The following SIRPB1 variants were observed in gnomAD, a reference collection of about 807,000 sequenced individuals.
SIRPB1 encodes the protein signal regulatory protein beta 1.
Under a neutral mutation model 34.1 loss-of-function variants are expected in SIRPB1, and 28 were observed. The observed-to-expected ratio is 0.82, with a 90% CI of 0.61 to 1.12. SIRPB1 has a LOEUF of 1.12. Among genes scored for constraint, SIRPB1 ranks in the 50% most tolerant of loss-of-function variants. SIRPB1 has a pLI of 0.00. For synonymous variants in SIRPB1, 211 were observed against 203.8 expected (o/e 1.04, Z -0.30); for missense variants, 499 against 507.0 (o/e 0.98, Z 0.15).
intron 4 of SIRPB1, among the ~76,000 whole-genome samples, chr20:1,570,244 T>G (rs1479285816): frequency 6.6e-6 from 1 of 152,234 alleles, no homozygotes; most frequent in Non-Finnish European, 1.5e-5. Context: ...GTGATTATTG[T>G]TGGTCAAATA....
intron 1 of SIRPB1, chr20:1,598,916 C>T: frequency 5.3e-6 from 3 of 563,314 alleles, no homozygotes; most frequent in Non-Finnish European, 7.1e-6. Context: ...AGAAGTGGAG[C>T]AGCAGAAGCC....
chr20:1,570,033 T>A (rs1166941382), intron 4 of SIRPB1, among the ~76,000 whole-genome samples: 6 of 152,224 alleles, frequency 3.9e-5, no homozygotes, highest in Non-Finnish European at 8.8e-5. Flanking sequence ...GTAGTGAGCC[T>A]GTCCTCAGGG....
chr20:1,570,353 G>C (rs1391253019), intron 4 of SIRPB1, among the ~76,000 whole-genome samples: 2 of 152,234 alleles, frequency 1.3e-5, no homozygotes, highest in African/African-American at 4.8e-5. Flanking sequence ...TTATAGAGCA[G>C]ATGCTGGAGA....
intron 1 of SIRPB1, among the ~76,000 whole-genome samples, chr20:1,615,302 C>A (rs555449731): frequency 1.3e-5 from 2 of 152,234 alleles, no homozygotes; most frequent in South Asian, 4.1e-4. Flanking sequence ...AATATAATGC[C>A]CCTCTCAGCT....
rs1273663423 is a variant in SIRPB1 at position 1,599,960 on chromosome 20, G to T, written c.76+19909C>A. ...TTCACTTTTTTTTGTATCAGACCTCGCGCTCCTTGATTGGATTCTACATGC... is the reference window on the plus strand; with the variant it reads ...TTCACTTTTTTTTGTATCAGACCTCTCGCTCCTTGATTGGATTCTACATGC... On this transcript the variant is annotated intron_variant, in intron 1 of 5. Coordinates refer to ENST00000381605, the MANE Select transcript of SIRPB1 (RefSeq NM_006065.5). 4.0e-5 allele frequency among the ~76,000 whole-genome samples: 2 copies of T among 49,992 alleles called. 1 individual carries two copies. The highest frequency in any genetic ancestry group is 7.8e-5 in the Non-Finnish European group (2 of 25,640). 32.8% of individuals were successfully genotyped at this position (49,992 alleles called of 152,430 possible). A position where few individuals can be genotyped will look rare whatever the true frequency, so the allele number is the denominator to read the frequency against.
intron 1 of SIRPB1, among the ~76,000 whole-genome samples, chr20:1,618,436 T>C (rs2091662031): frequency 6.6e-6 from 1 of 152,142 alleles, no homozygotes; most frequent in South Asian, 2.1e-4. Flanking sequence ...GAGTCTTTGT[T>C]TGGAAATAGG....
rs774325400 is a variant in SIRPB1 at position 1,611,964 on chromosome 20, C to T, written c.76+7905G>A. ...TACTTTCTTTTGTTCTTTCTGTTTG[C>T]TTTTTTTCTTTTCTTTTCTTTTTGT... On this transcript the variant is annotated intron_variant, in intron 1 of 5. Transcript: ENST00000381605. 5.7e-4 allele frequency among the ~76,000 whole-genome samples: 41 copies of T among 71,642 alleles called. 17 individuals are homozygous for T. Among genetic ancestry groups the T allele is most frequent in the Non-Finnish European group, 4.4e-4 (17 of 38,234 alleles). The allele number at this position is 71,642 out of a possible 152,430, so 47.0% of individuals were successfully genotyped here.
chr20:1,579,763 G>A (rs1375375760), intron 1 of SIRPB1, among the ~76,000 whole-genome samples: 2 of 148,288 alleles, frequency 1.3e-5, no homozygotes, highest in African/African-American at 4.9e-5. Context: ...GTCCAAAATA[G>A]TGTTACTGGG....
Position 1,576,644 on chromosome 20 carries a change from C to T in SIRPB1, c.433+1694G>A, listed in dbSNP as rs188147189. Among the ~76,000 whole-genome samples, 30 of 148,372 alleles carry T rather than the reference C, an allele frequency of 2.0e-4. 2 individuals are homozygous for T. The highest frequency in any genetic ancestry group is 6.3e-4 in the African/African-American group (26 of 40,952). On this transcript the variant is annotated intron_variant, in intron 2 of 5. Coordinates refer to ENST00000381605, the MANE Select transcript of SIRPB1 (RefSeq NM_006065.5). ...AAGTGGGGCCAGGCATGGTGGCTCACGCCTGTAATCCCAGCAGTTTGGGAG... is the reference window on the plus strand; with the variant it reads ...AAGTGGGGCCAGGCATGGTGGCTCATGCCTGTAATCCCAGCAGTTTGGGAG...
intron 1 of SIRPB1, among the ~76,000 whole-genome samples, chr20:1,615,300 G>T (rs1277810551): frequency 3.3e-5 from 5 of 152,038 alleles, no homozygotes; most frequent in African/African-American, 1.2e-4. Flanking sequence ...CAAATATAAT[G>T]CCCCTCTCAG....
Position 1,563,853 on chromosome 20 carries a change from GC to G in SIRPB1, c.*1646del, listed in dbSNP as rs1392048869. On this transcript the variant is annotated 3_prime_UTR_variant, in exon 6 of 6. Coordinates refer to ENST00000381605, the MANE Select transcript of SIRPB1 (RefSeq NM_006065.5). ...CACAAGAACAGCAAGGGGGAAGTCC[GC>G]CCCCATGATTCAGTCACCTCCTACC... 6.6e-6 allele frequency: 1 copy of G among 152,384 alleles called. No homozygotes were observed. Among genetic ancestry groups the G allele is most frequent in the Non-Finnish European group, 1.5e-5 (1 of 67,994 alleles). The allele number at this position is 152,384 out of a possible 1,614,324, so 9.4% of individuals were successfully genotyped here. A position where few individuals can be genotyped will look rare whatever the true frequency, so the allele number is the denominator to read the frequency against.
At chr20:1,584,823 C>A (rs1392946113) in intron 1 of SIRPB1, among the ~76,000 whole-genome samples, 1 of 48,880 alleles carries the variant, frequency 2.0e-5, no homozygotes, top group Non-Finnish European at 3.9e-5. Context: ...AAGAACAAAG[C>A]TGGAGGTATC....
chr20:1,616,394 A>G (rs2091629931), intron 1 of SIRPB1, among the ~76,000 whole-genome samples: 1 of 152,238 alleles, frequency 6.6e-6, no homozygotes, highest in African/African-American at 2.4e-5. Flanking sequence ...CAGAGAGCCC[A>G]GATATAAACG....
At chr20:1,579,183 C>T (rs1375994055) in intron 1 of SIRPB1, among the ~76,000 whole-genome samples, 2 of 148,170 alleles carry the variant, frequency 1.3e-5, no homozygotes, top group African/African-American at 4.9e-5. Flanking sequence ...AACTCTTGGG[C>T]TCAAGCAAAC....
At chr20:1,573,844 C>T (rs2091276140) in intron 2 of SIRPB1, among the ~76,000 whole-genome samples, 1 of 146,668 alleles carries the variant, frequency 6.8e-6, no homozygotes, top group African/African-American at 2.5e-5. Context: ...AAGGGCATAG[C>T]CTGGCATGTA....
chr20:1,617,551 G>C (rs1335224568), intron 1 of SIRPB1, among the ~76,000 whole-genome samples: 1 of 152,208 alleles, frequency 6.6e-6, no homozygotes, highest in Admixed American at 6.5e-5. Flanking sequence ...CATTTGGAGA[G>C]ATATTGGTCA....
rs752436961 is a variant in SIRPB1 at position 1,571,067 on chromosome 20, C to T, written c.822G>A (p.Val274=). The T allele has an allele frequency of 1.2e-6, 2 of 1,614,150 alleles. No individual in the cohort carries two copies. The highest frequency in any genetic ancestry group is 1.7e-5 in the Admixed American group (1 of 60,022). The stretch of plus-strand genomic sequence containing the variant: ...GTAGTCCCCGGGGGTAGAAATTGCT[C>T]ACCTGGCAGGTGACGTTTGCCTGGT... ...AENQANVTCQ[V]SNFYPRGLQL... is the part of the protein sequence containing the mutation. Residue 274 remains valine (V), a synonymous_variant, in exon 4 of 6, where the codon GTG becomes GTA. Transcript: ENST00000381605.
At chr20:1,618,251 T>C (rs2122342275) in intron 1 of SIRPB1, among the ~76,000 whole-genome samples, 1 of 152,286 alleles carries the variant, frequency 6.6e-6, no homozygotes, top group Middle Eastern at 3.4e-3. Context: ...TGCTAACAAG[T>C]GTGGTAGGCA....
rs1197832226 is a variant in SIRPB1 at position 1,565,331 on chromosome 20, A to G, written c.*169T>C. 3.4e-6 allele frequency: 1 copy of G among 296,528 alleles called. No individual in the cohort carries two copies. The highest frequency in any genetic ancestry group is 6.2e-6 in the Non-Finnish European group (1 of 161,336). The allele number at this position is 296,528 out of a possible 1,614,324, so 18.4% of individuals were successfully genotyped here. A position where few individuals can be genotyped will look rare whatever the true frequency, so the allele number is the denominator to read the frequency against. On this transcript the variant is annotated 3_prime_UTR_variant, in exon 6 of 6. Transcript: ENST00000381605. ...CCTGCTCAGGACCGTGAATAGAGACACTGCTTTGGGGCATCATGGTCTTGT... is the reference window on the plus strand; with the variant it reads ...CCTGCTCAGGACCGTGAATAGAGACGCTGCTTTGGGGCATCATGGTCTTGT...
Sources: gnomAD v4.1 joint callset for allele counts (sites outside exome capture counted in the v4.1 genomes callset) on GRCh38, gnomAD v4.1.1 for gene constraint, MANE v1.5 for transcripts, NCBI Gene and HGNC (gene_info 2026-07-23, HGNC 2026-07-21) for gene names.